The following JMJD1C variants were observed in gnomAD, a reference collection of about 807,000 sequenced individuals.
The protein encoded by JMJD1C is jumonji domain containing 1C.
A neutral mutation model predicts 245.3 loss-of-function variants in JMJD1C; 31 were observed. The ratio of observed to expected loss-of-function variants is 0.13; its 90% CI spans 0.09 to 0.17. The LOEUF (loss-of-function observed/expected upper bound fraction) is 0.17. JMJD1C is among the 10% of genes least tolerant of loss of function. The probability of loss-of-function intolerance (pLI) is 1.00; values close to 1 mark genes in which losing one functional copy is unlikely to be tolerated. For missense variants in JMJD1C, 2,691 were observed against 3,000.2 expected (o/e 0.90, Z 2.41); for synonymous variants, 1,057 against 1,017.4 (o/e 1.04, Z -0.74).
intron 1 of JMJD1C, among the ~76,000 whole-genome samples, chr10:63,464,265 C>G (rs934680336): frequency 6.6e-6 from 1 of 152,106 alleles, no homozygotes; most frequent in Admixed American, 6.5e-5. Flanking sequence ...TTTGCGATAT[C>G]GAGTCAATAT....
intron 12 of JMJD1C, among the ~76,000 whole-genome samples, chr10:63,197,900 T>C (rs1845625775): frequency 6.6e-6 from 1 of 152,236 alleles, no homozygotes; most frequent in African/African-American, 2.4e-5. Context: ...CTATCAGATG[T>C]TGGCAACATA....
At chr10:63,496,203 CTTAT>C (rs1358986778) in intron 1 of JMJD1C, among the ~76,000 whole-genome samples, 1 of 151,838 alleles carries the variant, frequency 6.6e-6, no homozygotes, top group Non-Finnish European at 1.5e-5. Context: ...GGATAAATAA[CTTAT>C]TTTTTTCAGC....
In JMJD1C at chr10:63,207,273, C is replaced by T. The variant is rs1259458966; in HGVS notation, c.4396G>A (p.Val1466Ile). ...VTLASSKTGS[V>I]VQPSSGFSGT... ...GAGAACCCAGAACTGGGTTGAACAA[C>T]ACTTCCTGTCTTACTACTGGCTAAT... is the stretch of plus-strand genomic sequence containing the variant. The change falls in exon 10 of 26, where the codon GTT (valine) becomes ATT (isoleucine). Residue 1466 changes from valine to isoleucine, a missense_variant. Physicochemically the swap from Val to Ile is conservative, Grantham distance 29 (BLOSUM62 3). Coordinates refer to ENST00000399262, the MANE Select transcript of JMJD1C (RefSeq NM_032776.3). 7 of 1,613,740 alleles carry T rather than the reference C, an allele frequency of 4.3e-6. No homozygotes were observed. In the African/African-American group the frequency reaches 6.7e-5, roughly 15 times the overall value.
At chr10:63,397,374 C>A (rs1052763706) in intron 1 of JMJD1C, among the ~76,000 whole-genome samples, 1 of 151,974 alleles carries the variant, frequency 6.6e-6, no homozygotes, top group Non-Finnish European at 1.5e-5. Context: ...CCACCACACC[C>A]GGCTTATTTT....
chr10:63,285,173 C>T (rs1234194569), intron 2 of JMJD1C, among the ~76,000 whole-genome samples: 1 of 152,096 alleles, frequency 6.6e-6, no homozygotes, highest in Non-Finnish European at 1.5e-5. Context: ...AATGGAGCCC[C>T]AAACTGCAAG....
rs147349477 is a variant in JMJD1C, at chr10:63,442,720, T to C, written c.168+22775A>G. 6.7e-3 allele frequency among the ~76,000 whole-genome samples: 1,025 copies of C among 152,330 alleles called. 4 individuals are homozygous for C. The highest frequency in any genetic ancestry group is 0.017 in the Middle Eastern group (5 of 294). ...TCAAACACAACTCTTACCCATCCTT[T>C]ATATAATCCAGCTTCTCCATTAAGC... On this transcript the variant is annotated intron_variant, in intron 1 of 25. Coordinates refer to ENST00000399262, the MANE Select transcript of JMJD1C (RefSeq NM_032776.3).
upstream of JMJD1C, among the ~76,000 whole-genome samples, chr10:63,470,283 G>T (rs1953448540): frequency 6.6e-6 from 1 of 152,134 alleles, no homozygotes. Context: ...ATGAATGAAT[G>T]AATGAATATA....
At chr10:63,265,595 T>C (rs1855467881) in intron 2 of JMJD1C, among the ~76,000 whole-genome samples, 2 of 152,284 alleles carry the variant, frequency 1.3e-5, no homozygotes, top group Admixed American at 1.3e-4. Context: ...GAAGATTAAA[T>C]AAAATACAAG....
intron 1 of JMJD1C, chr10:63,382,656 G>T: frequency 2.8e-6 from 1 of 362,058 alleles, no homozygotes; most frequent in Non-Finnish European, 5.5e-6. Context: ...TTATAATTTG[G>T]AAAACTGAAG....
At chr10:63,475,525 C>G (rs574258523) in intron 1 of JMJD1C, among the ~76,000 whole-genome samples, 3 of 152,290 alleles carry the variant, frequency 2.0e-5, no homozygotes, top group African/African-American at 4.8e-5. Context: ...ACTGTATGTA[C>G]TTCTGAAGGA....
chr10:63,184,779 G>A lies in JMJD1C; in HGVS notation c.6831-41C>T, dbSNP rs1461785655. ...ATTGCCTTCTTATAAATAAAGATTT[G>A]CATTGCTAAGTATTTTCACATATAT... On this transcript the variant is annotated intron_variant, in intron 20 of 25. Transcript: ENST00000399262. 2.6e-6 allele frequency: 4 copies of A among 1,552,132 alleles called. No homozygotes were observed. The African/African-American group carries it at 5.5e-5, about 21-fold the overall frequency.
intron 2 of JMJD1C, among the ~76,000 whole-genome samples, chr10:63,378,295 G>A (rs1015330657): frequency 6.6e-6 from 1 of 151,934 alleles, no homozygotes; most frequent in Non-Finnish European, 1.5e-5. Flanking sequence ...TTGCCTTTAA[G>A]AAAGGGCAAA....
chr10:63,363,197 C>T (rs1360625815), intron 2 of JMJD1C, among the ~76,000 whole-genome samples: 1 of 151,462 alleles, frequency 6.6e-6, no homozygotes, highest in Non-Finnish European at 1.5e-5. Context: ...GGTTAGCTTG[C>T]CAACTGTGAG....
intron 1 of JMJD1C, among the ~76,000 whole-genome samples, chr10:63,493,986 A>C (rs1037133318): frequency 1.3e-5 from 2 of 152,170 alleles, no homozygotes; most frequent in Admixed American, 6.5e-5. Context: ...AGGGTATATG[A>C]TTTCTATGTA....
intron 2 of JMJD1C, among the ~76,000 whole-genome samples, chr10:63,324,730 GT>G (rs1334487727): frequency 6.6e-6 from 1 of 152,222 alleles, no homozygotes; most frequent in African/African-American, 2.4e-5. Context: ...ATGTCAGATG[GT>G]GATAAGTGAT....
intron 1 of JMJD1C, among the ~76,000 whole-genome samples, chr10:63,389,329 G>GAA (rs1192328633): frequency 7.4e-6 from 1 of 135,210 alleles, no homozygotes; most frequent in East Asian, 2.1e-4. Flanking sequence ...AAAAAAAAAA[G>GAA]AAAAAGAAAA....
chr10:63,270,599 A>T (rs4747162), intron 2 of JMJD1C, among the ~76,000 whole-genome samples: 145,455 of 152,110 alleles, frequency 0.96, 69,568 homozygotes, highest in East Asian at 1. Context: ...GCCATGTAGA[A>T]GGGACTACAG....
chr10:63,474,328 G>C (rs1419720104), intron 1 of JMJD1C, among the ~76,000 whole-genome samples: 1 of 152,214 alleles, frequency 6.6e-6, no homozygotes, highest in Admixed American at 6.5e-5. Context: ...GGGAGTGTAA[G>C]AGTGCTTATA....
chr10:63,404,599 AATAT>A (rs1949064724), intron 1 of JMJD1C, among the ~76,000 whole-genome samples: 1 of 152,292 alleles, frequency 6.6e-6, no homozygotes, highest in African/African-American at 2.4e-5. Flanking sequence ...ATTATCTCTT[AATAT>A]GAAAAAAGAA....
Sources: gnomAD v4.1 joint callset for allele counts (sites outside exome capture counted in the v4.1 genomes callset) on GRCh38, gnomAD v4.1.1 for gene constraint, MANE v1.5 for transcripts, NCBI Gene and HGNC (gene_info 2026-07-23, HGNC 2026-07-21) for gene names.